FAT4: variants seen among roughly 807,000 people sequenced by gnomAD.
The protein encoded by FAT4 is FAT atypical cadherin 4.
Under a neutral mutation model 303.9 loss-of-function variants are expected in FAT4, and 84 were observed. That is an observed-to-expected ratio of 0.28 (90% CI 0.23 to 0.33). FAT4 has a LOEUF of 0.33. Among genes scored for constraint, FAT4 ranks in the 10% least tolerant of loss-of-function variants. FAT4 has a pLI of 1.00. For synonymous variants in FAT4, 2,307 were observed against 2,298.8 expected (o/e 1.00, Z -0.10); for missense variants, 6,005 against 6,146.8 (o/e 0.98, Z 0.77).
At position 125,407,784 on chromosome 4, in the gene FAT4, G is replaced by GGT. The variant is rs200242093; in HGVS notation, c.5570-649_5570-648dup. On this transcript the variant is annotated intron_variant, in intron 4 of 17. Coordinates refer to ENST00000394329, the MANE Select transcript of FAT4 (RefSeq NM_001291303.3). ...CTGAGTACTCAATATCCATGTTTCT[G>GGT]GTGTGTGTGTGTATGCTTCATTCCC... is the stretch of plus-strand genomic sequence containing the variant. Among the ~76,000 whole-genome samples the GGT allele has an allele frequency of 5.3e-5, 8 of 151,536 alleles. No homozygotes were observed. In the South Asian group the frequency reaches 1.3e-3, roughly 24 times the overall value.
chr4:125,477,021 A>G (rs1727051666), intron 13 of FAT4, 134 bp from the exon 14 acceptor site: 3 of 573,968 alleles, frequency 5.2e-6, no homozygotes, highest in Non-Finnish European at 7.9e-6. Flanking sequence ...ACTCTTCTAC[A>G]TATTTTCCAT....
rs144853732 is a variant in FAT4, at chr4:125,448,476, C to A, written c.7466C>A (p.Ala2489Glu). 17 of 1,601,402 alleles carry A rather than the reference C, an allele frequency of 1.1e-5. No homozygotes were observed. The Admixed American group carries it at 2.1e-4, about 19-fold the overall frequency. ...TCTTTTATAGGTTCCTTTGTCTTTG[C>A]GGTTACAGTCACAGATGCTGATATT... ...SPTLPGSFVF[A>E]VTVTDADIGP... The change falls in exon 10 of 18, where the codon GCG becomes GAG. Residue 2489 changes from alanine (A) to glutamate (E), a missense_variant. Physicochemically the swap from Ala to Glu is moderately radical, Grantham distance 107. Transcript: ENST00000394329.
Position 125,320,794 on chromosome 4 carries a change from A to G in FAT4, c.4383A>G (p.Gln1461=), listed in dbSNP as rs1336699532. The change falls in exon 2 of 18, where the codon CAA becomes CAG. Residue 1461 remains glutamine (Q), a synonymous_variant. Transcript: ENST00000394329. Reference sequence around the variant, plus strand: ...GTCAACTATCCTACACAATCATTCAACAGATGCCAAGAGGCAACCACTTTA... The same window carrying G: ...GTCAACTATCCTACACAATCATTCAGCAGATGCCAAGAGGCAACCACTTTA... The part of the protein sequence containing the change: ...INGQLSYTII[Q]QMPRGNHFTI... The G allele has an allele frequency of 2.5e-6, 4 of 1,614,128 alleles. No homozygotes were observed. The highest frequency in any genetic ancestry group is 3.4e-6 in the Non-Finnish European group (4 of 1,179,948).
At chr4:125,455,176 C>T (rs538788613) in intron 10 of FAT4, among the ~76,000 whole-genome samples, 1 of 152,102 alleles carries the variant, frequency 6.6e-6, no homozygotes, top group African/African-American at 2.4e-5. Context: ...TTTATTCACA[C>T]TTAGGTTTAG....
At chr4:125,323,897 A>C (rs1731051041) in intron 2 of FAT4, among the ~76,000 whole-genome samples, 2 of 152,226 alleles carry the variant, frequency 1.3e-5, no homozygotes, top group Admixed American at 1.3e-4. Flanking sequence ...TGGCAGAGTC[A>C]TGCTGATCAC....
chr4:125,448,372 G>A lies in FAT4; in HGVS notation c.7451-89G>A, dbSNP rs1047227333. 5.1e-6 allele frequency: 6 copies of A among 1,184,460 alleles called. No individual in the cohort carries two copies. In the African/African-American group the frequency reaches 6.2e-5, roughly 12 times the overall value. 73.4% of individuals were successfully genotyped at this position (1,184,460 alleles called of 1,614,324 possible). On this transcript the variant is annotated intron_variant, in intron 9 of 17. Transcript: ENST00000394329. The stretch of plus-strand genomic sequence containing the variant: ...TGAGAAAATAAGGTCACATCAAGCA[G>A]CAATAGAGTGTCTTATATGCACTTA...
At position 125,491,452 on chromosome 4, in the gene FAT4, A is replaced by G. The variant is rs1252769388; in HGVS notation, c.14636A>G (p.Asp4879Gly). Residue 4879 changes from aspartate (D) to glycine (G), a missense_variant, in exon 18 of 18, where the codon GAT becomes GGT. Asp to Gly is a moderately conservative substitution (Grantham distance 94). Coordinates refer to ENST00000394329, the MANE Select transcript of FAT4 (RefSeq NM_001291303.3). ...AAATTATCTCAAGTCAATGAATCTG[A>G]TGCAGATGATGAAGATAATTATGGA... is the stretch of plus-strand genomic sequence containing the variant. ...MPKLSQVNES[D>G]ADDEDNYGAR... 2 of 1,614,180 alleles carry G rather than the reference A, an allele frequency of 1.2e-6. No homozygotes were observed. The highest frequency in any genetic ancestry group is 1.7e-5 in the Admixed American group (1 of 60,022).
At chr4:125,482,587 T>A (rs1246262269) in intron 16 of FAT4, among the ~76,000 whole-genome samples, 1 of 152,106 alleles carries the variant, frequency 6.6e-6, no homozygotes, top group Admixed American at 6.6e-5. Context: ...CTACTGATAA[T>A]TTTTTATATA....
chr4:125,441,039 A>T (rs1034876413), intron 8 of FAT4, among the ~76,000 whole-genome samples: 1 of 151,266 alleles, frequency 6.6e-6, no homozygotes, highest in Admixed American at 6.6e-5. Context: ...CTGTACTATT[A>T]TAATAAGAAT....
At chr4:125,352,836 C>A (rs1429348614) in intron 2 of FAT4, among the ~76,000 whole-genome samples, 1 of 151,646 alleles carries the variant, frequency 6.6e-6, no homozygotes, top group African/African-American at 2.4e-5. Context: ...AGAAAAAATG[C>A]CAGAGTCAAC....
intron 3 of FAT4, among the ~76,000 whole-genome samples, chr4:125,403,430 T>C (rs1248702994): frequency 2.0e-5 from 3 of 152,118 alleles, no homozygotes; most frequent in Non-Finnish European, 4.4e-5. Context: ...CTCTTCCTTC[T>C]TCTTCTGCCG....
chr4:125,439,774 A>T (rs1326376483), intron 8 of FAT4, among the ~76,000 whole-genome samples: 3 of 152,170 alleles, frequency 2.0e-5, no homozygotes, highest in Admixed American at 2.0e-4. Context: ...TATCTATATA[A>T]ATGCTCATTT....
chr4:125,464,100 T>C (rs1444323867), intron 11 of FAT4, among the ~76,000 whole-genome samples: 1 of 152,176 alleles, frequency 6.6e-6, no homozygotes, highest in African/African-American at 2.4e-5. Flanking sequence ...TTACATTAGT[T>C]TTTAATTTTG....
intron 7 of FAT4, among the ~76,000 whole-genome samples, chr4:125,431,004 C>A (rs1560604740): frequency 6.6e-6 from 1 of 152,124 alleles, no homozygotes; most frequent in Non-Finnish European, 1.5e-5. Flanking sequence ...ATTTTTTACT[C>A]CCCCCAGCAT....
At chr4:125,406,851 T>C (rs759533776) in intron 3 of FAT4, 29 bp from the exon 4 acceptor site, 1 of 1,604,154 alleles carries the variant, frequency 6.2e-7, no homozygotes, top group South Asian at 1.1e-5. Flanking sequence ...CTACTTCCAA[T>C]AGCTCAGATG....
chr4:125,467,057 G>A (rs988713316), intron 11 of FAT4, among the ~76,000 whole-genome samples: 16 of 152,090 alleles, frequency 1.1e-4, no homozygotes, highest in African/African-American at 3.4e-4. Flanking sequence ...GATTACAGGC[G>A]TGAGCCACCA....
rs1221924946 is a variant in FAT4 at position 125,320,057 on chromosome 4, C to G, written c.3646C>G (p.Gln1216Glu). ...TCCCAAATTTTTAAAAGACTTTTAC[C>G]AAGCTACAATATCAGAATCAGCAGC... Reference protein sequence around the residue: ...NAPKFLKDFYQATISESAANL... With the variant: ...NAPKFLKDFYEATISESAANL... Residue 1216 changes from glutamine to glutamate, a missense_variant, in exon 2 of 18, where the codon CAA (glutamine) becomes GAA (glutamate). By Grantham distance (29) the Gln-to-Glu change is conservative. Coordinates refer to ENST00000394329, the MANE Select transcript of FAT4 (RefSeq NM_001291303.3). The G allele has an allele frequency of 6.2e-7, 1 of 1,613,616 alleles. No individual in the cohort carries two copies. The highest frequency in any genetic ancestry group is 8.5e-7 in the Non-Finnish European group (1 of 1,179,884).
rs1726078546 is a variant in FAT4 at position 125,451,641 on chromosome 4, G to A, written c.10631G>A (p.Gly3544Asp). 1.2e-6 allele frequency: 2 copies of A among 1,613,992 alleles called. No individual in the cohort carries two copies. The highest frequency in any genetic ancestry group is 1.7e-5 in the Admixed American group (1 of 59,986). Residue 3544 changes from glycine (G) to aspartate (D), a missense_variant, in exon 10 of 18, where the codon GGT becomes GAT. Coordinates refer to ENST00000394329, the MANE Select transcript of FAT4 (RefSeq NM_001291303.3). ...GACCCTGATCTCCCTCCAAATCAAG[G>A]TCCCTTTACTTATTACTTGCTGAGC... ...STDPDLPPNQGPFTYYLLSTG... is the reference protein window; with the variant it reads ...STDPDLPPNQDPFTYYLLSTG...
intron 2 of FAT4, among the ~76,000 whole-genome samples, chr4:125,398,353 T>A (rs1310775828): frequency 6.6e-6 from 1 of 152,134 alleles, no homozygotes; most frequent in Non-Finnish European, 1.5e-5. Context: ...ACTTTTTTAT[T>A]TCCCCCAGAC....
Sources: allele counts gnomAD v4.1 joint callset (sites outside exome capture counted in the v4.1 genomes callset), GRCh38; gene constraint gnomAD v4.1.1; transcripts MANE v1.5; gene names NCBI Gene and HGNC (gene_info 2026-07-23, HGNC 2026-07-21).